The following GPR142 variants were observed in gnomAD, a reference collection of about 807,000 sequenced individuals.
The protein encoded by GPR142 is G-protein coupled receptor 142 long form.
GPR142 carries 9 observed loss-of-function variants against 10.6 expected under a neutral mutation model. That is an observed-to-expected ratio of 0.85 (90% CI 0.51 to 1.48). The LOEUF is 1.48. GPR142 is among the 40% of genes most tolerant of loss of function. GPR142 has a pLI of 0.00. For missense variants in GPR142, 482 were observed against 506.0 expected (o/e 0.95, Z 0.45); for synonymous variants, 202 against 221.2 (o/e 0.91, Z 0.77).
intron 2 of GPR142, 44 bp from the exon 3 acceptor site, chr17:74,370,477 G>C (rs2055015013): frequency 6.4e-7 from 1 of 1,569,536 alleles, no homozygotes; most frequent in East Asian, 2.2e-5. Context: ...AGCCAGGTTA[G>C]AAATAGACCA....
In GPR142 at chr17:74,372,226, C is replaced by T. The variant is rs749008605; in HGVS notation, c.751C>T (p.Arg251Trp). The T allele has an allele frequency of 3.0e-5, 49 of 1,613,832 alleles. No individual in the cohort carries two copies. The highest frequency in any genetic ancestry group is 9.3e-5 in the African/African-American group (7 of 74,950). Residue 251 changes from arginine to tryptophan, a missense_variant, in exon 4 of 4, where the codon CGG becomes TGG. Coordinates refer to ENST00000582579, the MANE Select transcript of GPR142 (RefSeq NM_001331076.1). ...GGTCACCAACTCGGCCATCATCCAC[C>T]GGCTACGGAGGAGGGGCCGGAGTGG... The part of the protein sequence containing the change: ...FLVTNSAIIH[R>W]LRRRGRSGLQ...
intron 3 of GPR142, 97 bp from the exon 4 acceptor site, chr17:74,371,632 C>A: frequency 7.9e-7 from 1 of 1,258,762 alleles, no homozygotes; most frequent in Non-Finnish European, 1.1e-6. Flanking sequence ...GCAGCCTCTG[C>A]ACATGCAGAT....
At chr17:74,368,611 G>A (rs1166286545) in intron 1 of GPR142, among the ~76,000 whole-genome samples, 1 of 152,146 alleles carries the variant, frequency 6.6e-6, no homozygotes, top group Non-Finnish European at 1.5e-5. Context: ...ATTCCAGGGG[G>A]GCCTGAGCTC....
chr17:74,367,824 A>G, intron 1 of GPR142, 30 bp downstream of exon 1: 1 of 1,549,386 alleles, frequency 6.5e-7, no homozygotes, highest in Non-Finnish European at 8.7e-7. Flanking sequence ...TGCATGGGGC[A>G]TCATTGTAGC....
rs1567937890 is a variant in GPR142 at position 74,372,028 on chromosome 17, G to T, written c.553G>T (p.Gly185Cys). The change falls in exon 4 of 4, where the codon GGC (glycine) becomes TGC (cysteine). Residue 185 changes from glycine (G) to cysteine (C), a missense_variant. Transcript: ENST00000582579. ...GCACCATCGGGCCGCCTCGTCCCCAGGCCGGACCCGCCGGGCCATTGCTGC... is the reference window on the plus strand; with the variant it reads ...GCACCATCGGGCCGCCTCGTCCCCATGCCGGACCCGCCGGGCCATTGCTGC... ...PLHHRAASSP[G>C]RTRRAIAAVL... 1 of 1,613,826 alleles carries T rather than the reference G, an allele frequency of 6.2e-7. No individual in the cohort carries two copies. The highest frequency in any genetic ancestry group is 1.7e-5 in the Admixed American group (1 of 60,010).
intron 3 of GPR142, among the ~76,000 whole-genome samples, chr17:74,371,465 G>T (rs2055023919): frequency 6.6e-6 from 1 of 150,980 alleles, no homozygotes; most frequent in Non-Finnish European, 1.5e-5. Flanking sequence ...GCCAGGACAG[G>T]TGGCTGCTGA....
Position 74,371,700 on chromosome 17 carries a change from C to G in GPR142, c.254-29C>G, listed in dbSNP as rs182793939. ...GAGTCTGAGCTCTCTTCTGATGCCT[C>G]TCCCCTCCCTCACCTCGGCTGCCCT... On this transcript the variant is annotated intron_variant, in intron 3 of 3. Transcript: ENST00000582579. 154 of 1,572,856 alleles carry G rather than the reference C, an allele frequency of 9.8e-5. No homozygotes were observed. The Admixed American group carries it at 2.6e-3, about 26-fold the overall frequency.
chr17:74,369,844 T>G (rs1475523973), intron 2 of GPR142, among the ~76,000 whole-genome samples: 1 of 151,942 alleles, frequency 6.6e-6, no homozygotes, highest in African/African-American at 2.4e-5. Context: ...GGGGCCAGAG[T>G]GGACGGTGCT....
intron 1 of GPR142, among the ~76,000 whole-genome samples, chr17:74,368,970 C>T (rs1431256522): frequency 6.6e-6 from 1 of 152,124 alleles, no homozygotes; most frequent in Non-Finnish European, 1.5e-5. Flanking sequence ...ACCCTGTGCA[C>T]CTGGTCCCCT....
chr17:74,371,159 C>CTTT lies in GPR142; in HGVS notation c.253+493_253+495dup, dbSNP rs3050698. 7.9e-3 allele frequency among the ~76,000 whole-genome samples: 980 copies of CTTT among 124,056 alleles called. 87 individuals carry two copies. Among genetic ancestry groups the CTTT allele is most frequent in the African/African-American group, 0.024 (809 of 33,730 alleles). The allele number at this position is 124,056 out of a possible 152,430, so 81.4% of individuals were successfully genotyped here. ...GAGGACAATGCCATAGGACAGGTAG[C>CTTT]TTTTTTTTTTTTTTTGAGATGGAGT... is the stretch of plus-strand genomic sequence containing the variant. On this transcript the variant is annotated intron_variant, in intron 3 of 3. Transcript: ENST00000582579.
At position 74,372,270 on chromosome 17, in the gene GPR142, C is replaced by T; in HGVS notation, c.795C>T (p.Gly265=). ...GGAGTGGGCTGCAGCCCCGGGTGGGCAAGAGCACAGCCATCCTCCTGGGCA... is the reference window on the plus strand; with the variant it reads ...GGAGTGGGCTGCAGCCCCGGGTGGGTAAGAGCACAGCCATCCTCCTGGGCA... The part of the protein sequence containing the change: ...RGRSGLQPRV[G]KSTAILLGIT... The change falls in exon 4 of 4, where the codon GGC becomes GGT. Residue 265 remains glycine, a synonymous_variant. Transcript: ENST00000582579. 1 of 1,613,598 alleles carries T rather than the reference C, an allele frequency of 6.2e-7. No individual in the cohort carries two copies. The highest frequency in any genetic ancestry group is 8.5e-7 in the Non-Finnish European group (1 of 1,179,518).
At chr17:74,369,903 T>C (rs2144338662) in intron 2 of GPR142, among the ~76,000 whole-genome samples, 1 of 152,306 alleles carries the variant, frequency 6.6e-6, no homozygotes, top group East Asian at 1.9e-4. Flanking sequence ...TCCCCATCTG[T>C]GGACTTGGGC....
At position 74,371,810 on chromosome 17, in the gene GPR142, C is replaced by G. The variant is rs144661240; in HGVS notation, c.335C>G (p.Thr112Arg). Residue 112 changes from threonine (T) to arginine (R), a missense_variant, in exon 4 of 4, where the codon ACA (threonine) becomes AGA (arginine). By Grantham distance (71) the Thr-to-Arg change is moderately conservative. Coordinates refer to ENST00000582579, the MANE Select transcript of GPR142 (RefSeq NM_001331076.1). Reference sequence around the variant, plus strand: ...TCCTACTACTACCTTCTGGCGCTCACAGCCTCGGATATCATCATCCAGGTG... The same window carrying G: ...TCCTACTACTACCTTCTGGCGCTCAGAGCCTCGGATATCATCATCCAGGTG... ...RPSYYYLLALTASDIIIQVVI... is the reference protein window; with the variant it reads ...RPSYYYLLALRASDIIIQVVI... The G allele has an allele frequency of 9.7e-5, 156 of 1,613,436 alleles. No individual in the cohort carries two copies. Among genetic ancestry groups the G allele is most frequent in the Non-Finnish European group, 1.3e-4 (149 of 1,180,018 alleles).
At chr17:74,371,597 G>A in intron 3 of GPR142, 132 bp from the exon 4 acceptor site, 1 of 974,848 alleles carries the variant, frequency 1.0e-6, no homozygotes, top group Non-Finnish European at 1.5e-6. Context: ...AGAAGGATCT[G>A]GAAGGAGAAA....
chr17:74,371,797 C>T lies in GPR142; in HGVS notation c.322C>T (p.Leu108Phe). ...GACCAGGAGGCCCTCCTACTACTAC[C>T]TTCTGGCGCTCACAGCCTCGGATAT... ...TRTRRPSYYY[L>F]LALTASDIII... Residue 108 changes from leucine to phenylalanine, a missense_variant, in exon 4 of 4, where the codon CTT (leucine) becomes TTT (phenylalanine). Leu to Phe is a conservative substitution (Grantham distance 22, BLOSUM62 0). Transcript: ENST00000582579. 3 of 1,613,246 alleles carry T rather than the reference C, an allele frequency of 1.9e-6. No individual in the cohort carries two copies. The highest frequency in any genetic ancestry group is 2.5e-6 in the Non-Finnish European group (3 of 1,180,006).
rs1189290375 is a variant in GPR142, at chr17:74,369,639, G to T, written c.94+5G>T. ...GGCTTGAGGGACGAGAGACAGGTAA[G>T]GCATCTTGAAGTGGGGTGTGCTGGG... On this transcript the variant is annotated splice_donor_5th_base_variant and intron_variant, in intron 2 of 3. Transcript: ENST00000582579. 1 of 1,544,070 alleles carries T rather than the reference G, an allele frequency of 6.5e-7. No individual in the cohort carries two copies.
chr17:74,369,346 T>C (rs1261293648), intron 1 of GPR142, 122 bp from the exon 2 acceptor site: 1 of 797,182 alleles, frequency 1.3e-6, no homozygotes, highest in Non-Finnish European at 1.9e-6. Context: ...CCCCTTCCCC[T>C]GCCTGTGCGC....
chr17:74,367,885 G>T, intron 1 of GPR142, 91 bp downstream of exon 1: 1 of 1,264,144 alleles, frequency 7.9e-7, no homozygotes, highest in Non-Finnish European at 1.1e-6. Context: ...TGAATCCAGG[G>T]AGCTCTAGTT....
Position 74,372,363 on chromosome 17 carries a change from C to G in GPR142, c.888C>G (p.Ala296=). The G allele has an allele frequency of 6.2e-7, 1 of 1,614,138 alleles. No homozygotes were observed. The highest frequency in any genetic ancestry group is 8.5e-7 in the Non-Finnish European group (1 of 1,179,980). The part of the protein sequence containing the change: ...VFVMLYHMYV[A]PVHRDWRVHL... ...TCATGCTCTACCACATGTACGTGGC[C>G]CCTGTCCACCGGGACTGGAGGGTCC... The change falls in exon 4 of 4, where the codon GCC becomes GCG. Residue 296 remains alanine (A), a synonymous_variant. Coordinates refer to ENST00000582579, the MANE Select transcript of GPR142 (RefSeq NM_001331076.1).
Sources: gnomAD v4.1 joint callset for allele counts (sites outside exome capture counted in the v4.1 genomes callset) on GRCh38, gnomAD v4.1.1 for gene constraint, MANE v1.5 for transcripts, NCBI Gene and HGNC (gene_info 2026-07-23, HGNC 2026-07-21) for gene names.